Variants in PANK2 observed in about 807,000 individuals in gnomAD.
PANK2 encodes the protein pantothenate kinase 2.
PANK2 carries 36 observed loss-of-function variants against 43.1 expected under a neutral mutation model. That is an observed-to-expected ratio of 0.84 (90% CI 0.64 to 1.10). The LOEUF is 1.10. Ranked by LOEUF, PANK2 falls within the 50% of genes least tolerant of loss-of-function variation. PANK2 has a pLI of 0.00. For missense variants in PANK2, 576 were observed against 593.3 expected (o/e 0.97, Z 0.30); for synonymous variants, 281 against 238.2 (o/e 1.18, Z -1.66).
intron 1 of PANK2, among the ~76,000 whole-genome samples, chr20:3,899,238 G>A (rs2090260052): frequency 8.5e-6 from 1 of 117,140 alleles, no homozygotes; most frequent in South Asian, 2.4e-4. Context: ...GTGATGTAGT[G>A]TAGGCTCACT....
intron 1 of PANK2, among the ~76,000 whole-genome samples, chr20:3,902,073 CTGA>C (rs922948556): frequency 2.0e-5 from 3 of 151,868 alleles, no homozygotes; most frequent in Middle Eastern, 3.2e-3. Context: ...TTAGAGTAAC[CTGA>C]TGATTGGTGT....
chr20:3,901,790 T>C (rs754606457), intron 1 of PANK2, among the ~76,000 whole-genome samples: 6 of 152,062 alleles, frequency 3.9e-5, no homozygotes, highest in Non-Finnish European at 5.9e-5. Context: ...GTTGATCCCT[T>C]ACATATGTGA....
In PANK2 at chr20:3,910,124, CTT is replaced by C. The variant is rs1180941001; in HGVS notation, c.652-450_652-449del. On this transcript the variant is annotated intron_variant, in intron 2 of 6. Transcript: ENST00000610179. The stretch of plus-strand genomic sequence containing the variant: ...CAGTTTGTTAAATAATGTGTGGCCT[CTT>C]TTGATACTGCTCCAAAGCCTTGAGA... Among the ~76,000 whole-genome samples, 5 of 152,256 alleles carry C rather than the reference CTT, an allele frequency of 3.3e-5. No homozygotes were observed. In the East Asian group the frequency reaches 7.7e-4, roughly 23 times the overall value.
chr20:3,923,209 A>G (rs2090674018), intron 6 of PANK2, 35 bp from the exon 7 acceptor site: 7 of 1,611,456 alleles, frequency 4.3e-6, no homozygotes, highest in Non-Finnish European at 5.9e-6. Flanking sequence ...AAGTCTAAGG[A>G]AAATTGCACT....
In PANK2 at chr20:3,927,852, T is replaced by C. The variant is rs1289467708; in HGVS notation, c.*4558T>C. 1 of 152,212 alleles carries C rather than the reference T, an allele frequency of 6.6e-6. No homozygotes were observed. The highest frequency in any genetic ancestry group is 2.4e-5 in the African/African-American group (1 of 41,430). 9.4% of individuals were successfully genotyped at this position (152,212 alleles called of 1,614,324 possible). On this transcript the variant is annotated 3_prime_UTR_variant, in exon 7 of 7. Transcript: ENST00000610179. Reference sequence around the variant, plus strand: ...GCACAAACAAGTCTGCTGACACTGGTGGGGCCCTTACAGTCACAGAAGTAA... The same window carrying C: ...GCACAAACAAGTCTGCTGACACTGGCGGGGCCCTTACAGTCACAGAAGTAA...
chr20:3,901,332 G>A (rs951903132), intron 1 of PANK2, among the ~76,000 whole-genome samples: 1 of 151,690 alleles, frequency 6.6e-6, no homozygotes, highest in African/African-American at 2.4e-5. Context: ...ACAGGCATGA[G>A]CCACCACACC....
intron 1 of PANK2, among the ~76,000 whole-genome samples, chr20:3,907,418 C>T (rs998199049): frequency 6.6e-5 from 10 of 152,136 alleles, no homozygotes; most frequent in Non-Finnish European, 1.3e-4. Flanking sequence ...TTTTGGGAAC[C>T]GGTGTTAATG....
chr20:3,916,496 C>T (rs1363566490), intron 4 of PANK2, among the ~76,000 whole-genome samples: 7 of 152,206 alleles, frequency 4.6e-5, no homozygotes, highest in Admixed American at 4.6e-4. Context: ...CTCTGGGACT[C>T]AGCTGTCTGT....
chr20:3,914,233 A>G (rs978371247), intron 4 of PANK2, among the ~76,000 whole-genome samples: 2 of 151,996 alleles, frequency 1.3e-5, no homozygotes, highest in Non-Finnish European at 1.5e-5. Context: ...GCAGTTTATG[A>G]GCGTTTATAT....
At chr20:3,919,764 A>G (rs2090619365) in intron 6 of PANK2, among the ~76,000 whole-genome samples, 1 of 152,210 alleles carries the variant, frequency 6.6e-6, no homozygotes, top group South Asian at 2.1e-4. Context: ...AGATACTGTT[A>G]TTATGAACAT....
chr20:3,909,235 C>T (rs2090432531), intron 2 of PANK2, among the ~76,000 whole-genome samples: 1 of 152,188 alleles, frequency 6.6e-6, no homozygotes, highest in Admixed American at 6.5e-5. Flanking sequence ...CATGTGCCAC[C>T]ACGCCCGGCT....
chr20:3,899,812 A>G (rs1482988245), intron 1 of PANK2, among the ~76,000 whole-genome samples: 3 of 142,042 alleles, frequency 2.1e-5, no homozygotes, highest in African/African-American at 5.3e-5. Context: ...GCTTCACACC[A>G]TTCTCCTGCC....
Position 3,923,547 on chromosome 20 carries a change from T to TTGCC in PANK2, c.*257_*260dup. 1.8e-6 allele frequency: 1 copy of TTGCC among 548,624 alleles called. No individual in the cohort carries two copies. Among genetic ancestry groups the TTGCC allele is most frequent in the Non-Finnish European group, 3.3e-6 (1 of 306,694 alleles). 34.0% of individuals were successfully genotyped at this position (548,624 alleles called of 1,614,324 possible). Reference sequence around the variant, plus strand: ...AGTGTGAGGATTTGCTGTATATAAGTTGCCTGCTTTGTATTTTTGAAATCT... The same window carrying TTGCC: ...AGTGTGAGGATTTGCTGTATATAAGTTGCCTGCCTGCTTTGTATTTTTGAAATCT... On this transcript the variant is annotated 3_prime_UTR_variant, in exon 7 of 7. Transcript: ENST00000610179.
At position 3,902,249 on chromosome 20, in the gene PANK2, C is replaced by T. The variant is rs918008772; in HGVS notation, c.299-5677C>T. ...TGGCATGGTCATAGCTTGCTACGAC[C>T]TTGACCTCCTGGGCTCAAGCTATCC... On this transcript the variant is annotated intron_variant, in intron 1 of 6. Coordinates refer to ENST00000610179, the MANE Select transcript of PANK2 (RefSeq NM_001386393.1). Among the ~76,000 whole-genome samples, 10 of 151,354 alleles carry T rather than the reference C, an allele frequency of 6.6e-5. No homozygotes were observed. In the East Asian group the frequency reaches 1.9e-3, roughly 29 times the overall value.
At chr20:3,891,295 A>T (rs977261441) in intron 1 of PANK2, 1 of 152,108 alleles carries the variant, frequency 6.6e-6, no homozygotes, top group Non-Finnish European at 1.5e-5. Context: ...TCCTGGTCTC[A>T]AGCGATCTTC....
At chr20:3,904,453 GT>G (rs1474708467) in intron 1 of PANK2, among the ~76,000 whole-genome samples, 2 of 152,012 alleles carry the variant, frequency 1.3e-5, no homozygotes, top group African/African-American at 4.8e-5. Flanking sequence ...TGTAGTCGTA[GT>G]TACTTGGGAT....
At chr20:3,921,922 G>C (rs981092017) in intron 6 of PANK2, 3 of 152,166 alleles carry the variant, frequency 2.0e-5, no homozygotes, top group African/African-American at 7.2e-5. Flanking sequence ...ATATTGGCCA[G>C]GCTGGTCTTG....
At chr20:3,899,255 T>G (rs1171695309) in intron 1 of PANK2, among the ~76,000 whole-genome samples, 1 of 150,650 alleles carries the variant, frequency 6.6e-6, no homozygotes, top group African/African-American at 2.4e-5. Context: ...CACTGCAACC[T>G]CCACCTCCTG....
chr20:3,900,720 T>C (rs2090287054), intron 1 of PANK2, among the ~76,000 whole-genome samples: 1 of 152,008 alleles, frequency 6.6e-6, no homozygotes, highest in African/African-American at 2.4e-5. Context: ...GACCTATTTG[T>C]GATTACTGAT....
Sources: gnomAD v4.1 joint callset for allele counts (sites outside exome capture counted in the v4.1 genomes callset) on GRCh38, gnomAD v4.1.1 for gene constraint, MANE v1.5 for transcripts, NCBI Gene and HGNC (gene_info 2026-07-23, HGNC 2026-07-21) for gene names.